TLL2: variants seen among roughly 807,000 people sequenced by gnomAD.
TLL2 encodes the protein tolloid-like protein 2.
In TLL2, 106 loss-of-function variants were observed where a neutral mutation model predicts 123.0. That is an observed-to-expected ratio of 0.86 (90% CI 0.74 to 1.01). The LOEUF (loss-of-function observed/expected upper bound fraction) is 1.01. Among genes scored for constraint, TLL2 ranks in the 50% least tolerant of loss-of-function variants. The pLI, the probability that TLL2 is intolerant of heterozygous loss-of-function variation, is 0.00. For missense variants in TLL2, 1,332 were observed against 1,336.7 expected (o/e 1.00, Z 0.06); for synonymous variants, 494 against 516.8 (o/e 0.96, Z 0.60).
chr10:96,370,303 C>T lies in TLL2; in HGVS notation c.2675G>A (p.Arg892Lys), dbSNP rs905586932. 1.9e-6 allele frequency: 3 copies of T among 1,585,258 alleles called. No homozygotes were observed. The highest frequency in any genetic ancestry group is 2.6e-6 in the Non-Finnish European group (3 of 1,164,336). Residue 892 changes from arginine (R) to lysine (K), a missense_variant, in exon 20 of 21, where the codon AGG becomes AAG. Transcript: ENST00000357947. ...TTTGGTCTGCACTTCAGCCTTCAGC[C>T]TGCCCCCGCACTCTGGAGCAGAGAG... ...QAVHSTECGGRLKAEVQTKEL... is the reference protein window; with the variant it reads ...QAVHSTECGGKLKAEVQTKEL...
intron 2 of TLL2, among the ~76,000 whole-genome samples, chr10:96,455,322 C>T (rs1210538883): frequency 2.6e-5 from 4 of 152,156 alleles, no homozygotes; most frequent in Non-Finnish European, 4.4e-5. Flanking sequence ...ATCCTGTTAT[C>T]CCTGGGACAG....
In TLL2 at chr10:96,471,697, C is replaced by G. The variant is rs556689383; in HGVS notation, c.286+8652G>C. On this transcript the variant is annotated intron_variant, in intron 2 of 20. Coordinates refer to ENST00000357947, the MANE Select transcript of TLL2 (RefSeq NM_012465.4). ...AGTTGCCCTGAGTCCCACAGAGAATCAGTACAGAGCCAGAGACGCAAACTC... is the reference window on the plus strand; with the variant it reads ...AGTTGCCCTGAGTCCCACAGAGAATGAGTACAGAGCCAGAGACGCAAACTC... 1.5e-3 allele frequency among the ~76,000 whole-genome samples: 221 copies of G among 152,300 alleles called. 1 individual carries two copies. Among genetic ancestry groups the G allele is most frequent in the Non-Finnish European group, 8.8e-5 (6 of 68,036 alleles).
chr10:96,462,183 G>A (rs1177414237), intron 2 of TLL2, among the ~76,000 whole-genome samples: 1 of 152,200 alleles, frequency 6.6e-6, no homozygotes, highest in African/African-American at 2.4e-5. Context: ...GCTCAATGAG[G>A]TAAAGTCCTT....
At chr10:96,424,492 T>C (rs1242478474) in intron 5 of TLL2, among the ~76,000 whole-genome samples, 1 of 152,168 alleles carries the variant, frequency 6.6e-6, no homozygotes, top group African/African-American at 2.4e-5. Context: ...ATTTCCCTCA[T>C]CCTGGCCAAC....
chr10:96,396,095 CG>C lies in TLL2; in HGVS notation c.1385-76del, dbSNP rs200006039. ...TACTTAGGAAGGAAGGTTGGGGAGG[CG>C]GGGGGAACAGCGCTTGCCACCACTA... On this transcript the variant is annotated intron_variant, in intron 11 of 20. Transcript: ENST00000357947. 23 of 1,549,124 alleles carry C rather than the reference CG, an allele frequency of 1.5e-5. No individual in the cohort carries two copies. The African/African-American group carries it at 2.0e-4, about 14-fold the overall frequency.
intron 1 of TLL2, among the ~76,000 whole-genome samples, chr10:96,481,243 C>A (rs754104338): frequency 3.3e-5 from 5 of 151,962 alleles, no homozygotes; most frequent in Non-Finnish European, 5.9e-5. Flanking sequence ...AAAGCCTGGG[C>A]TCAAGCAATC....
intron 2 of TLL2, among the ~76,000 whole-genome samples, chr10:96,471,989 A>C (rs1023315983): frequency 1.3e-5 from 2 of 152,078 alleles, no homozygotes; most frequent in African/African-American, 4.8e-5. Context: ...TCAAAATGTC[A>C]CGCACAACAT....
At chr10:96,503,632 C>T (rs1419081093) in intron 1 of TLL2, among the ~76,000 whole-genome samples, 2 of 152,194 alleles carry the variant, frequency 1.3e-5, no homozygotes, top group Non-Finnish European at 2.9e-5. Flanking sequence ...GGACCCATCA[C>T]CCTCAACTGA....
intron 13 of TLL2, among the ~76,000 whole-genome samples, chr10:96,392,090 T>C (rs1028111249): frequency 1.3e-5 from 2 of 152,166 alleles, no homozygotes; most frequent in Non-Finnish European, 2.9e-5. Flanking sequence ...TGTGCTTTCC[T>C]CGGCGTCTCC....
chr10:96,417,265 G>C (rs913954408), intron 7 of TLL2, among the ~76,000 whole-genome samples: 1 of 152,194 alleles, frequency 6.6e-6, no homozygotes, highest in Non-Finnish European at 1.5e-5. Flanking sequence ...TTGACAAAAT[G>C]CTCATAGAAA....
At chr10:96,389,520 G>A (rs3789944) in intron 13 of TLL2, among the ~76,000 whole-genome samples, 57,355 of 152,034 alleles carry the variant, frequency 0.38, 12,353 homozygotes, top group Non-Finnish European at 0.49. Flanking sequence ...TGGGCCAGTG[G>A]AGGAAGATGG....
intron 10 of TLL2, among the ~76,000 whole-genome samples, chr10:96,404,664 T>C (rs1463824586): frequency 6.6e-6 from 1 of 152,128 alleles, no homozygotes; most frequent in Non-Finnish European, 1.5e-5. Context: ...ACAAATCCCA[T>C]CTCCTTCATT....
chr10:96,450,705 G>A (rs1200372425), intron 2 of TLL2, among the ~76,000 whole-genome samples: 1 of 152,154 alleles, frequency 6.6e-6, no homozygotes, highest in Non-Finnish European at 1.5e-5. Flanking sequence ...CGACAGGTGT[G>A]GCTCTGGCTA....
At chr10:96,406,327 C>T (rs1339551683) in intron 9 of TLL2, among the ~76,000 whole-genome samples, 2 of 152,152 alleles carry the variant, frequency 1.3e-5, no homozygotes, top group Non-Finnish European at 2.9e-5. Flanking sequence ...TCCTGAGGTG[C>T]AGTGGCTTGT....
At chr10:96,476,254 G>GTT (rs1847250826) in intron 2 of TLL2, among the ~76,000 whole-genome samples, 1 of 36,108 alleles carries the variant, frequency 2.8e-5, no homozygotes, top group African/African-American at 1.1e-4. Flanking sequence ...TATTTTTGTT[G>GTT]TTGTTGTTGT....
At chr10:96,369,647 G>T (rs1846059609) in intron 20 of TLL2, among the ~76,000 whole-genome samples, 1 of 151,224 alleles carries the variant, frequency 6.6e-6, no homozygotes, top group South Asian at 2.1e-4. Context: ...TGTAATCCCA[G>T]CTACTTGGGA....
chr10:96,385,527 G>T (rs2181324), intron 15 of TLL2, among the ~76,000 whole-genome samples: 2 of 152,088 alleles, frequency 1.3e-5, no homozygotes, highest in Admixed American at 1.3e-4. Context: ...CTCAGCTGGG[G>T]TGGGGAGGGG....
rs1846023546 is a variant in TLL2, at chr10:96,366,157, A to G, written c.*1931T>C. On this transcript the variant is annotated 3_prime_UTR_variant, in exon 21 of 21. Coordinates refer to ENST00000357947, the MANE Select transcript of TLL2 (RefSeq NM_012465.4). ...TAAAACCTCAGAAAATACAAAAATC[A>G]GATAAATGGAATCTACCCTAACAGG... 1 of 152,328 alleles carries G rather than the reference A, an allele frequency of 6.6e-6. No homozygotes were observed. The highest frequency in any genetic ancestry group is 6.5e-5 in the Admixed American group (1 of 15,290). The allele number at this position is 152,328 out of a possible 1,614,324, so 9.4% of individuals were successfully genotyped here.
In TLL2 at chr10:96,508,270, T is replaced by C. The variant is rs569982027; in HGVS notation, c.175+5241A>G. Among the ~76,000 whole-genome samples, 6 of 152,340 alleles carry C rather than the reference T, an allele frequency of 3.9e-5. No homozygotes were observed. In the South Asian group the frequency reaches 1.2e-3, roughly 32 times the overall value. On this transcript the variant is annotated intron_variant, in intron 1 of 20. Transcript: ENST00000357947. ...AGTCCCTGGCACACTGGCCCAGAGC[T>C]GCTTCAGTTTCTAGGCTGACAGTAA...
Sources: gnomAD v4.1 joint callset for allele counts (sites outside exome capture counted in the v4.1 genomes callset) on GRCh38, gnomAD v4.1.1 for gene constraint, MANE v1.5 for transcripts, NCBI Gene and HGNC (gene_info 2026-07-23, HGNC 2026-07-21) for gene names.